Variants in PCDHA7 observed in about 807,000 individuals in gnomAD.
PCDHA7 encodes the protein protocadherin alpha 7.
In PCDHA7, 37 loss-of-function variants were observed where a neutral mutation model predicts 57.2. The observed-to-expected ratio is 0.65, with a 90% CI of 0.50 to 0.85. The LOEUF is 0.85. Ranked by LOEUF, PCDHA7 falls within the 40% of genes least tolerant of loss-of-function variation. The pLI is 0.00. For missense variants in PCDHA7, 1,188 were observed against 1,241.8 expected (o/e 0.96, Z 0.65); for synonymous variants, 553 against 558.8 (o/e 0.99, Z 0.15).
At chr5:140,940,873 A>G (rs541083185) in intron 1 of PCDHA7, among the ~76,000 whole-genome samples, 10 of 152,352 alleles carry the variant, frequency 6.6e-5, no homozygotes, top group African/African-American at 2.4e-4. Context: ...CAGTGAGTGA[A>G]TACTACTGCT....
intron 1 of PCDHA7, among the ~76,000 whole-genome samples, chr5:140,926,182 C>T (rs1041630365): frequency 2.6e-5 from 4 of 151,858 alleles, no homozygotes; most frequent in South Asian, 2.2e-4. Flanking sequence ...CGGAAAGCCC[C>T]CCGCAGCACT....
chr5:140,914,944 C>CTTT (rs35695909), intron 1 of PCDHA7, among the ~76,000 whole-genome samples: 2 of 128,266 alleles, frequency 1.6e-5, no homozygotes, highest in Non-Finnish European at 3.3e-5. Context: ...GAAAAGTTGT[C>CTTT]TTTTTTTTTT....
chr5:140,890,585 A>G (rs1158719431), intron 1 of PCDHA7, among the ~76,000 whole-genome samples: 1 of 152,086 alleles, frequency 6.6e-6, no homozygotes, highest in Admixed American at 6.5e-5. Context: ...TATTATTTGG[A>G]AGCCCTTTTC....
At chr5:140,858,234 C>A (rs782153266) in intron 1 of PCDHA7, 1 of 1,596,332 alleles carries the variant, frequency 6.3e-7, no homozygotes, top group South Asian at 1.1e-5. Context: ...ACCGAGGGCG[C>A]ATGTGGGCCG....
intron 1 of PCDHA7, chr5:140,882,737 G>A (rs1375859660): frequency 6.2e-7 from 1 of 1,614,090 alleles, no homozygotes; most frequent in Admixed American, 1.7e-5. Flanking sequence ...ACTAGATGGC[G>A]CATCCGATGC....
At chr5:140,887,284 G>T (rs1374515637) in intron 1 of PCDHA7, among the ~76,000 whole-genome samples, 1 of 152,044 alleles carries the variant, frequency 6.6e-6, no homozygotes, top group Non-Finnish European at 1.5e-5. Context: ...TTTTAGTAGA[G>T]ATGGGGTTTC....
intron 1 of PCDHA7, chr5:140,842,408 G>A (rs1266480987): frequency 1.2e-6 from 2 of 1,612,204 alleles, no homozygotes; most frequent in Non-Finnish European, 1.7e-6. Flanking sequence ...ACGTGAAGAC[G>A]CTCAATTTGG....
chr5:140,834,301 G>A lies in PCDHA7; in HGVS notation c.-83G>A, dbSNP rs2150215052. 1 of 1,289,234 alleles carries A rather than the reference G, an allele frequency of 7.8e-7. No homozygotes were observed. The highest frequency in any genetic ancestry group is 1.1e-6 in the Non-Finnish European group (1 of 925,820). 79.9% of individuals were successfully genotyped at this position (1,289,234 alleles called of 1,614,324 possible). A position where few individuals can be genotyped will look rare whatever the true frequency, so the allele number is the denominator to read the frequency against. Reference sequence around the variant, plus strand: ...GGATGCACAACAATGGCCACACATCGAGATTGAAATGAAGGGATAAAAACA... The same window carrying A: ...GGATGCACAACAATGGCCACACATCAAGATTGAAATGAAGGGATAAAAACA... On this transcript the variant is annotated 5_prime_UTR_variant, in exon 1 of 4. Transcript: ENST00000525929.
intron 1 of PCDHA7, among the ~76,000 whole-genome samples, chr5:140,879,850 T>C (rs935829286): frequency 3.3e-5 from 5 of 152,230 alleles, no homozygotes; most frequent in Non-Finnish European, 5.9e-5. Flanking sequence ...CACTCCCATC[T>C]CAGCCTTCTC....
rs1423136904 is a variant in PCDHA7 at position 140,966,615 on chromosome 5, G to A, written c.2356-12334G>A. 1.0e-5 allele frequency: 8 copies of A among 773,600 alleles called. No individual in the cohort carries two copies. In the Admixed American group the frequency reaches 1.2e-4, roughly 12 times the overall value. The allele number at this position is 773,600 out of a possible 1,614,324, so 47.9% of individuals were successfully genotyped here. A position where few individuals can be genotyped will look rare whatever the true frequency, so the allele number is the denominator to read the frequency against. On this transcript the variant is annotated intron_variant, in intron 1 of 3. Transcript: ENST00000525929. The stretch of plus-strand genomic sequence containing the variant: ...GCCAGGAGCCCTTGGGAGGGCCTAC[G>A]GAGGGAGCGGCCCCAGGCGCTTTCT...
chr5:140,879,578 A>G (rs1298190690), intron 1 of PCDHA7, among the ~76,000 whole-genome samples: 4 of 152,244 alleles, frequency 2.6e-5, no homozygotes, highest in African/African-American at 9.6e-5. Context: ...AATTGCCAAG[A>G]CAGACATTGA....
intron 1 of PCDHA7, among the ~76,000 whole-genome samples, chr5:140,935,798 G>T (rs1302798386): frequency 6.6e-6 from 1 of 151,552 alleles, no homozygotes; most frequent in Non-Finnish European, 1.5e-5. Context: ...ATATAAACGA[G>T]ATTATTTCAT....
intron 1 of PCDHA7, chr5:140,853,842 C>G: frequency 1.0e-6 from 1 of 986,448 alleles, no homozygotes; most frequent in Non-Finnish European, 1.2e-6. Flanking sequence ...AATTTTAGAT[C>G]CATAGCCCTA....
chr5:140,884,529 G>C lies in PCDHA7; in HGVS notation c.2355+47791G>C. On this transcript the variant is annotated intron_variant, in intron 1 of 3. Transcript: ENST00000525929. Reference sequence around the variant, plus strand: ...GGGAGTTGGTCGTACTCGCAGCAGAGGCGGCCGAGGGTGTGCTCTGGGGAG... The same window carrying C: ...GGGAGTTGGTCGTACTCGCAGCAGACGCGGCCGAGGGTGTGCTCTGGGGAG... 2.5e-6 allele frequency: 4 copies of C among 1,614,068 alleles called. No individual in the cohort carries two copies. Among genetic ancestry groups the C allele is most frequent in the Non-Finnish European group, 3.4e-6 (4 of 1,179,986 alleles).
intron 1 of PCDHA7, chr5:140,884,310 G>C (rs1562802595): frequency 1.2e-6 from 2 of 1,613,792 alleles, no homozygotes; most frequent in African/African-American, 2.7e-5. Context: ...GCTTCGTCGA[G>C]GGCGTCGGCA....
intron 1 of PCDHA7, among the ~76,000 whole-genome samples, chr5:140,878,731 A>T (rs1037542413): frequency 1.3e-5 from 2 of 152,252 alleles, no homozygotes; most frequent in Admixed American, 6.5e-5. Context: ...TTCCAGCCTT[A>T]TATCTACTTT....
intron 1 of PCDHA7, chr5:140,856,456 A>T: frequency 6.3e-7 from 1 of 1,598,478 alleles, no homozygotes; most frequent in Non-Finnish European, 8.6e-7. Flanking sequence ...CCGTAACAGA[A>T]CAAAAGCTCT....
chr5:140,904,912 T>C (rs2071465626), intron 1 of PCDHA7, among the ~76,000 whole-genome samples: 1 of 152,236 alleles, frequency 6.6e-6, no homozygotes, highest in Non-Finnish European at 1.5e-5. Flanking sequence ...TACTGATTTG[T>C]TTGACTTCCT....
At chr5:140,938,508 A>G (rs1563167946) in intron 1 of PCDHA7, among the ~76,000 whole-genome samples, 1 of 152,046 alleles carries the variant, frequency 6.6e-6, no homozygotes, top group African/African-American at 2.4e-5. Context: ...AATTTATCAC[A>G]TATTTTCTGT....
Sources: allele counts gnomAD v4.1 joint callset (sites outside exome capture counted in the v4.1 genomes callset), GRCh38; gene constraint gnomAD v4.1.1; transcripts MANE v1.5; gene names NCBI Gene and HGNC (gene_info 2026-07-23, HGNC 2026-07-21).